Variants in CMSS1 observed in about 807,000 individuals in gnomAD.
CMSS1 encodes protein CMSS1.
In CMSS1, 33 loss-of-function variants were observed where a neutral mutation model predicts 43.5. The ratio of observed to expected loss-of-function variants is 0.76; its 90% CI spans 0.57 to 1.01. The LOEUF is 1.01. CMSS1 is among the 50% of genes least tolerant of loss of function. The pLI is 0.00. For missense variants in CMSS1, 313 were observed against 326.4 expected (o/e 0.96, Z 0.32); for synonymous variants, 115 against 117.2 (o/e 0.98, Z 0.12).
chr3:100,168,358 A>C (rs1427586193), intron 6 of CMSS1, among the ~76,000 whole-genome samples: 2 of 152,192 alleles, frequency 1.3e-5, no homozygotes, highest in African/African-American at 4.8e-5. Flanking sequence ...ATCATACCCC[A>C]AACAACCAGT....
intron 1 of CMSS1, among the ~76,000 whole-genome samples, chr3:99,859,267 GTCAGT>G (rs747853419): frequency 6.6e-6 from 1 of 152,186 alleles, no homozygotes; most frequent in African/African-American, 2.4e-5. Context: ...CTTGCTATTT[GTCAGT>G]TCTTTTTTCC....
At chr3:100,096,319 A>C (rs1347656043) in intron 1 of CMSS1, among the ~76,000 whole-genome samples, 1 of 152,224 alleles carries the variant, frequency 6.6e-6, no homozygotes, top group Non-Finnish European at 1.5e-5. Flanking sequence ...TCCCATGTTC[A>C]TTGCAGCACT....
intron 1 of CMSS1, among the ~76,000 whole-genome samples, chr3:100,081,376 C>T (rs1184669633): frequency 1.3e-5 from 2 of 152,120 alleles, no homozygotes; most frequent in Non-Finnish European, 2.9e-5. Flanking sequence ...TTTTGGAAAC[C>T]CAGCAGGATT....
Position 100,146,977 on chromosome 3 carries a change from A to G in CMSS1, c.69A>G (p.Ala23=). Residue 23 remains alanine, a synonymous_variant, in exon 2 of 10, where the codon GCA becomes GCG. Coordinates refer to ENST00000421999, the MANE Select transcript of CMSS1 (RefSeq NM_032359.4). ...QPTGAGSSPE[A]SDGEGEGDTE... ...TTCAAACTTTATATTTTCTAGAAGC[A>G]TCAGATGGTGAAGGAGAAGGAGACA... 1.2e-6 allele frequency: 2 copies of G among 1,613,668 alleles called. No homozygotes were observed. Among genetic ancestry groups the G allele is most frequent in the Non-Finnish European group, 1.7e-6 (2 of 1,179,690 alleles).
intron 8 of CMSS1, among the ~76,000 whole-genome samples, chr3:100,174,357 T>C (rs1379970995): frequency 6.6e-6 from 1 of 151,980 alleles, no homozygotes; most frequent in Non-Finnish European, 1.5e-5. Context: ...GTCACCAGAC[T>C]TCCCCAGCCC....
At chr3:99,923,108 T>C (rs890165464) in intron 1 of CMSS1, among the ~76,000 whole-genome samples, 2 of 152,060 alleles carry the variant, frequency 1.3e-5, no homozygotes, top group African/African-American at 4.8e-5. Context: ...TTTTTTTAGC[T>C]TCCATTTTCA....
rs139034483 is a variant in CMSS1 at position 99,999,599 on chromosome 3, T to C, written c.65-147374T>C. On this transcript the variant is annotated intron_variant, in intron 1 of 9. Transcript: ENST00000421999. Reference sequence around the variant, plus strand: ...TCCTTGTGGTTCAGTGAGTCTTGAATCTGTTAGAGAGGATCTCGGGATATA... The same window carrying C: ...TCCTTGTGGTTCAGTGAGTCTTGAACCTGTTAGAGAGGATCTCGGGATATA... 5.9e-5 allele frequency among the ~76,000 whole-genome samples: 9 copies of C among 152,342 alleles called. No homozygotes were observed. In the East Asian group the frequency reaches 1.7e-3, roughly 29 times the overall value.
chr3:100,100,986 A>G (rs1160487694), intron 1 of CMSS1, among the ~76,000 whole-genome samples: 1 of 152,120 alleles, frequency 6.6e-6, no homozygotes, highest in Non-Finnish European at 1.5e-5. Flanking sequence ...ACAGAGAAGA[A>G]AGTGTGTGAT....
chr3:99,897,460 A>G (rs1701908585), intron 1 of CMSS1, among the ~76,000 whole-genome samples: 1 of 152,224 alleles, frequency 6.6e-6, no homozygotes, highest in Non-Finnish European at 1.5e-5. Flanking sequence ...AAAGTTTGCC[A>G]TTATATACCT....
chr3:99,903,471 C>T (rs1268245900), intron 1 of CMSS1, among the ~76,000 whole-genome samples: 10 of 152,118 alleles, frequency 6.6e-5, no homozygotes, highest in Admixed American at 2.6e-4. Context: ...AGGCTGGTCT[C>T]GAACCCCTGA....
chr3:99,911,225 A>G lies in CMSS1; in HGVS notation c.64+93182A>G, dbSNP rs182343867. Among the ~76,000 whole-genome samples the G allele has an allele frequency of 6.4e-4, 98 of 151,986 alleles. 1 individual carries two copies. The highest frequency in any genetic ancestry group is 1.2e-3 in the South Asian group (6 of 4,818). ...TTTGGCTGTAAAGTAAGTTTTTATC[A>G]GGAAGTTGTACAATAATGGATAATG... On this transcript the variant is annotated intron_variant, in intron 1 of 9. Transcript: ENST00000421999.
intron 1 of CMSS1, among the ~76,000 whole-genome samples, chr3:99,867,408 A>G (rs1335776602): frequency 6.6e-6 from 1 of 152,186 alleles, no homozygotes; most frequent in African/African-American, 2.4e-5. Context: ...CTCAGGTTTT[A>G]GTAGCTGAAA....
chr3:100,011,094 A>G (rs1298100993), intron 1 of CMSS1, among the ~76,000 whole-genome samples: 1 of 152,150 alleles, frequency 6.6e-6, no homozygotes, highest in Non-Finnish European at 1.5e-5. Context: ...TAGAAGATTG[A>G]AGCTTCTGAT....
chr3:100,050,103 T>C (rs1050110172), intron 1 of CMSS1, among the ~76,000 whole-genome samples: 1 of 152,244 alleles, frequency 6.6e-6, no homozygotes, highest in Non-Finnish European at 1.5e-5. Context: ...ACCTGTGGAA[T>C]GAATCTATTA....
rs753091051 is a variant in CMSS1 at position 100,178,356 on chromosome 3, A to T, written c.808A>T (p.Lys270Ter). 1 of 1,613,272 alleles carries T rather than the reference A, an allele frequency of 6.2e-7. No homozygotes were observed. Among genetic ancestry groups the T allele is most frequent in the Non-Finnish European group, 8.5e-7 (1 of 1,179,304 alleles). The change falls in exon 10 of 10, where the codon AAG becomes TAG. Residue 270 changes from lysine to a stop codon, truncating the protein, a stop_gained. Transcript: ENST00000421999. LOFTEE classifies it high-confidence loss of function. ...LLEMGVLSLC[K>*]SESLKLGLF Reference sequence around the variant, plus strand: ...GGAAATGGGAGTGCTCAGTCTGTGCAAGTCAGAATCCTTGAAACTGGGCCT... The same window carrying T: ...GGAAATGGGAGTGCTCAGTCTGTGCTAGTCAGAATCCTTGAAACTGGGCCT...
intron 1 of CMSS1, among the ~76,000 whole-genome samples, chr3:100,069,000 A>T (rs1012492810): frequency 6.6e-6 from 1 of 152,330 alleles, no homozygotes; most frequent in South Asian, 2.1e-4. Flanking sequence ...GTTCTGCTCC[A>T]CAAACCCAGA....
intron 1 of CMSS1, among the ~76,000 whole-genome samples, chr3:100,017,320 G>C (rs1323521386): frequency 1.3e-5 from 2 of 152,170 alleles, no homozygotes; most frequent in Non-Finnish European, 2.9e-5. Flanking sequence ...GTAGATTGGA[G>C]CAGTGAAGTT....
At chr3:100,001,286 C>CTA (rs1429987585) in intron 1 of CMSS1, among the ~76,000 whole-genome samples, 2 of 152,204 alleles carry the variant, frequency 1.3e-5, no homozygotes, top group Non-Finnish European at 2.9e-5. Context: ...TGGAACATGG[C>CTA]TATACTCCTT....
At chr3:99,962,795 T>C (rs955564003) in intron 1 of CMSS1, among the ~76,000 whole-genome samples, 1 of 152,228 alleles carries the variant, frequency 6.6e-6, no homozygotes, top group Non-Finnish European at 1.5e-5. Flanking sequence ...AGGATTTGGC[T>C]GCAGCCCCTA....
Sources: gnomAD v4.1 joint callset for allele counts (sites outside exome capture counted in the v4.1 genomes callset) on GRCh38, gnomAD v4.1.1 for gene constraint, MANE v1.5 for transcripts, NCBI Gene and HGNC (gene_info 2026-07-23, HGNC 2026-07-21) for gene names.